ABCC4: variants seen among roughly 807,000 people sequenced by gnomAD.
The protein encoded by ABCC4 is ATP-binding cassette sub-family C member 4.
Under a neutral mutation model 168.5 loss-of-function variants are expected in ABCC4, and 102 were observed. The observed-to-expected ratio is 0.61, with a 90% CI of 0.52 to 0.71. ABCC4 has a LOEUF of 0.71. Among genes scored for constraint, ABCC4 ranks in the 30% least tolerant of loss-of-function variants. The pLI is 0.00. For synonymous variants in ABCC4, 617 were observed against 590.7 expected, an observed-to-expected ratio of 1.04 and a Z score of -0.65; for missense variants, 1,402 against 1,605.8, an observed-to-expected ratio of 0.87 and a Z score of 2.17.
chr13:95,196,580 AGGAGGAAGGAAGGAAGGAAGGAAGGAAG>A, intron 8 of ABCC4, among the ~76,000 whole-genome samples: 1 of 101,198 alleles, frequency 9.9e-6, no homozygotes, highest in South Asian at 3.8e-4. Context: ...AAAGGAGGAA[AGGAGGAAGGAAGGAAGGAAGGAAGGAAG>A]GAAGGAAGGA....
chr13:95,219,511 A>G (rs1235924033), intron 4 of ABCC4, among the ~76,000 whole-genome samples: 1 of 152,176 alleles, frequency 6.6e-6, no homozygotes, highest in African/African-American at 2.4e-5. Context: ...AACTTCTGTC[A>G]TCTTTTTGTT....
intron 19 of ABCC4, among the ~76,000 whole-genome samples, chr13:95,127,963 T>G (rs944197678): frequency 6.6e-6 from 1 of 152,212 alleles, no homozygotes; most frequent in Non-Finnish European, 1.5e-5. Context: ...AAATTTATGC[T>G]ATGAGTTGCC....
chr13:95,075,502 C>T lies in ABCC4; in HGVS notation c.2736G>A (p.Trp912Ter). The change falls in exon 22 of 31, where the codon TGG (tryptophan) becomes TGA (stop). Residue 912 changes from tryptophan to a stop codon, truncating the protein, a stop_gained. Coordinates refer to ENST00000645237, the MANE Select transcript of ABCC4 (RefSeq NM_005845.5). LOFTEE classifies it high-confidence loss of function. ...SHLSSSLQGL[W>*]TIRAYKAEER... Reference sequence around the variant, plus strand: ...CTTCTGCTTTGTATGCCCGGATGGTCCAGAGCCCCTGGAGAGAAGATGATA... The same window carrying T: ...CTTCTGCTTTGTATGCCCGGATGGTTCAGAGCCCCTGGAGAGAAGATGATA... 1 of 1,614,092 alleles carries T rather than the reference C, an allele frequency of 6.2e-7. No homozygotes were observed. Among genetic ancestry groups the T allele is most frequent in the Non-Finnish European group, 8.5e-7 (1 of 1,180,006 alleles).
At chr13:95,062,911 G>A in intron 25 of ABCC4, 52 bp from the exon 26 acceptor site, 3 of 1,549,878 alleles carry the variant, frequency 1.9e-6, no homozygotes, top group Non-Finnish European at 2.6e-6. Flanking sequence ...AAAAATCACA[G>A]GATGCAGCAA....
chr13:95,073,683 T>C (rs2033806371), intron 23 of ABCC4, among the ~76,000 whole-genome samples: 1 of 152,168 alleles, frequency 6.6e-6, no homozygotes, highest in Admixed American at 6.5e-5. Flanking sequence ...AGCAATAGGT[T>C]GTAAGTGCCA....
intron 1 of ABCC4, 34 bp from the exon 2 acceptor site, chr13:95,247,787 A>AT (rs1371332874): frequency 6.4e-7 from 1 of 1,558,642 alleles, no homozygotes; most frequent in South Asian, 1.1e-5. Context: ...TATATCCAGA[A>AT]TTACACATCC....
At chr13:95,269,622 G>A (rs989657209) in intron 1 of ABCC4, among the ~76,000 whole-genome samples, 4 of 151,974 alleles carry the variant, frequency 2.6e-5, no homozygotes, top group African/African-American at 9.7e-5. Context: ...TTACCAGGAT[G>A]TTAACCTTAT....
At chr13:95,099,548 T>C (rs558453506) in intron 20 of ABCC4, among the ~76,000 whole-genome samples, 1 of 152,308 alleles carries the variant, frequency 6.6e-6, no homozygotes, top group South Asian at 2.1e-4. Flanking sequence ...TCCCATCCCT[T>C]TGGCCATGTT....
At chr13:95,075,667 C>CCTGCG in intron 21 of ABCC4, 116 bp from the exon 22 acceptor site, 1 of 1,365,708 alleles carries the variant, frequency 7.3e-7, no homozygotes, top group Non-Finnish European at 9.9e-7. Context: ...TCCTAGGAGG[C>CCTGCG]TTCATGTTTC....
intron 26 of ABCC4, among the ~76,000 whole-genome samples, chr13:95,057,914 G>A (rs139304027): frequency 3.3e-5 from 5 of 152,170 alleles, no homozygotes; most frequent in Non-Finnish European, 7.3e-5. Context: ...GAGGAAGAGG[G>A]GTGTATGCTT....
chr13:95,024,356 C>G (rs906079079), intron 30 of ABCC4, among the ~76,000 whole-genome samples: 17 of 152,046 alleles, frequency 1.1e-4, no homozygotes, highest in African/African-American at 4.1e-4. Context: ...AGAAGAGTAT[C>G]AGGTCAGTGA....
intron 4 of ABCC4, among the ~76,000 whole-genome samples, chr13:95,212,204 CA>C (rs2138681410): frequency 6.7e-6 from 1 of 148,842 alleles, no homozygotes; most frequent in Admixed American, 6.7e-5. Context: ...TGCTATTATG[CA>C]AATATAAGTG....
chr13:95,206,552 C>T lies in ABCC4; in HGVS notation c.1141G>A (p.Val381Ile), dbSNP rs139736278. The T allele has an allele frequency of 1.5e-3, 2,381 of 1,613,894 alleles. 7 individuals carry two copies. The highest frequency in any genetic ancestry group is 1.8e-3 in the Non-Finnish European group (2,126 of 1,179,784). The change falls in exon 8 of 31, where the codon GTC becomes ATC. Residue 381 changes from valine (V) to isoleucine (I), a missense_variant. Coordinates refer to ENST00000645237, the MANE Select transcript of ABCC4 (RefSeq NM_005845.5). ...SAIERVSEAIVSIRRIQTFLL... is the reference protein window; with the variant it reads ...SAIERVSEAIISIRRIQTFLL... Reference sequence around the variant, plus strand: ...CCAACCTGGATTCTTCGGATGCTGACGATTGCCTCTGACACCCTCTCAATG... The same window carrying T: ...CCAACCTGGATTCTTCGGATGCTGATGATTGCCTCTGACACCCTCTCAATG...
chr13:95,123,202 T>C (rs999342473), intron 19 of ABCC4, among the ~76,000 whole-genome samples: 29 of 152,214 alleles, frequency 1.9e-4, no homozygotes, highest in African/African-American at 7.0e-4. Flanking sequence ...TTTTCCTTCC[T>C]CTGGGTAACA....
At chr13:95,089,663 T>C (rs959704856) in intron 20 of ABCC4, among the ~76,000 whole-genome samples, 3 of 152,106 alleles carry the variant, frequency 2.0e-5, no homozygotes, top group African/African-American at 7.2e-5. Context: ...AATTATACTT[T>C]ATAAACTGTT....
At chr13:95,216,772 C>A (rs2039125446) in intron 4 of ABCC4, among the ~76,000 whole-genome samples, 1 of 152,102 alleles carries the variant, frequency 6.6e-6, no homozygotes, top group South Asian at 2.1e-4. Context: ...AACATCAAAT[C>A]TGGACTTGTA....
chr13:95,222,470 G>A (rs1245515306), intron 4 of ABCC4, among the ~76,000 whole-genome samples: 2 of 152,196 alleles, frequency 1.3e-5, no homozygotes, highest in South Asian at 2.1e-4. Context: ...TAAAGCCACT[G>A]GCATCTGCAT....
intron 25 of ABCC4, among the ~76,000 whole-genome samples, chr13:95,069,774 CAT>C (rs1256359357): frequency 2.5e-4 from 38 of 152,322 alleles, no homozygotes; most frequent in African/African-American, 8.2e-4. Flanking sequence ...CAGAATCACA[CAT>C]GTCAGCATGT....
chr13:95,145,905 T>C (rs769440077), intron 19 of ABCC4, among the ~76,000 whole-genome samples: 10 of 152,104 alleles, frequency 6.6e-5, no homozygotes, highest in Non-Finnish European at 1.3e-4. Context: ...ATTTAGTACA[T>C]GTGGACTCTG....
Sources: gnomAD v4.1 joint callset for allele counts (sites outside exome capture counted in the v4.1 genomes callset) on GRCh38, gnomAD v4.1.1 for gene constraint, MANE v1.5 for transcripts, NCBI Gene and HGNC (gene_info 2026-07-23, HGNC 2026-07-21) for gene names.